Variants in KCNU1 observed in about 807,000 individuals in gnomAD.
The protein encoded by KCNU1 is potassium channel subfamily U member 1.
KCNU1 carries 93 observed loss-of-function variants against 126.8 expected under a neutral mutation model. The observed-to-expected ratio is 0.73, with a 90% CI of 0.62 to 0.87. The LOEUF (loss-of-function observed/expected upper bound fraction) is 0.87, where lower values mean the gene tolerates loss of function less well. Ranked by LOEUF, KCNU1 falls within the 40% of genes least tolerant of loss-of-function variation. The probability of loss-of-function intolerance (pLI) is 0.00; values close to 1 mark genes in which losing one functional copy is unlikely to be tolerated. For synonymous variants in KCNU1, 523 were observed against 494.2 expected, an observed-to-expected ratio of 1.06 and a Z score of -0.77; for missense variants, 1,330 against 1,367.1, an observed-to-expected ratio of 0.97 and a Z score of 0.43.
chr8:36,910,979 GCTC>G lies in KCNU1; in HGVS notation c.2383_2385del (p.Ser795del). The stretch of plus-strand genomic sequence containing the variant: ...CTCCATGCGGCCAACATAGAGCAAT[GCTC>G]CATGTGTGCTGTCTTGTCCCCCCCA... On this transcript the variant is annotated inframe_deletion, in exon 22 of 27. Coordinates refer to ENST00000399881, the MANE Select transcript of KCNU1 (RefSeq NM_001031836.3). 6.2e-7 allele frequency: 1 copy of G among 1,613,552 alleles called. No homozygotes were observed.
At chr8:36,931,504 CT>C (rs558003707) in intron 25 of KCNU1, among the ~76,000 whole-genome samples, 5 of 152,038 alleles carry the variant, frequency 3.3e-5, no homozygotes, top group Non-Finnish European at 7.4e-5. Flanking sequence ...TGAGTATTTT[CT>C]CTGTGCTTGT....
At position 36,922,632 on chromosome 8, in the gene KCNU1, A is replaced by G; in HGVS notation, c.2736+3A>G. The G allele has an allele frequency of 6.2e-7, 1 of 1,611,918 alleles. No homozygotes were observed. The highest frequency in any genetic ancestry group is 8.5e-7 in the Non-Finnish European group (1 of 1,178,956). ...TCTTGGATTCTCTGCTGGCCACGGTAAGAAAAGCTAAGCCATGGAGCCCCC... is the reference window on the plus strand; with the variant it reads ...TCTTGGATTCTCTGCTGGCCACGGTGAGAAAAGCTAAGCCATGGAGCCCCC... On this transcript the variant is annotated splice_donor_region_variant and intron_variant, in intron 24 of 26. Transcript: ENST00000399881.
intron 19 of KCNU1, among the ~76,000 whole-genome samples, chr8:36,877,340 T>C (rs1806312045): frequency 6.6e-6 from 1 of 151,766 alleles, no homozygotes; most frequent in Non-Finnish European, 1.5e-5. Flanking sequence ...TTCACTCTTG[T>C]CGCCCAGGCT....
chr8:36,857,652 G>C (rs761931820), intron 18 of KCNU1, among the ~76,000 whole-genome samples: 22 of 151,146 alleles, frequency 1.5e-4, no homozygotes, highest in Non-Finnish European at 2.8e-4. Flanking sequence ...TTTTGTTTTT[G>C]TTGTTGTTGT....
intron 16 of KCNU1, among the ~76,000 whole-genome samples, chr8:36,844,835 C>G (rs1309295133): frequency 6.6e-6 from 1 of 152,110 alleles, no homozygotes; most frequent in Non-Finnish European, 1.5e-5. Flanking sequence ...TGAGACCTCA[C>G]CATAGACATC....
chr8:36,899,294 A>G (rs144200104), intron 19 of KCNU1, among the ~76,000 whole-genome samples: 106 of 152,168 alleles, frequency 7.0e-4, no homozygotes, highest in African/African-American at 2.5e-3. Flanking sequence ...GATAGAAAAA[A>G]AAAATGCCTT....
At chr8:36,806,517 T>G in intron 5 of KCNU1, 137 bp downstream of exon 5, 1 of 588,480 alleles carries the variant, frequency 1.7e-6, no homozygotes, top group South Asian at 2.2e-5. Flanking sequence ...ATAGTATGGT[T>G]TTGTCATACA....
chr8:36,923,119 GTTA>G, intron 24 of KCNU1: 1 of 454,180 alleles, frequency 2.2e-6, no homozygotes, highest in Non-Finnish European at 4.4e-6. Flanking sequence ...TGACTACATG[GTTA>G]TTCTTTAGTT....
intron 19 of KCNU1, among the ~76,000 whole-genome samples, chr8:36,869,818 C>T (rs1194105711): frequency 2.6e-5 from 4 of 152,112 alleles, no homozygotes; most frequent in Non-Finnish European, 4.4e-5. Context: ...TTTCCTGTCA[C>T]CCTCTGCCGT....
At chr8:36,813,755 T>G (rs1434898891) in intron 7 of KCNU1, among the ~76,000 whole-genome samples, 1 of 152,124 alleles carries the variant, frequency 6.6e-6, no homozygotes, top group Non-Finnish European at 1.5e-5. Context: ...ACACTAGCAT[T>G]CTATGTGCTT....
At chr8:36,864,006 A>T (rs1805814147) in intron 18 of KCNU1, among the ~76,000 whole-genome samples, 1 of 152,180 alleles carries the variant, frequency 6.6e-6, no homozygotes, top group Non-Finnish European at 1.5e-5. Context: ...GGTGATGTCC[A>T]GGCAGAATGA....
chr8:36,930,793 T>A (rs1808678084), intron 24 of KCNU1, among the ~76,000 whole-genome samples, 158 bp from the exon 25 acceptor site: 1 of 152,114 alleles, frequency 6.6e-6, no homozygotes, highest in Admixed American at 6.6e-5. Flanking sequence ...CAAACTGCCA[T>A]CCTTCAGCTG....
intron 18 of KCNU1, among the ~76,000 whole-genome samples, chr8:36,852,891 C>A (rs930180212): frequency 2.0e-5 from 3 of 151,610 alleles, no homozygotes; most frequent in South Asian, 2.1e-4. Context: ...GGATTTTTTT[C>A]TAATTTTTTC....
Position 36,909,472 on chromosome 8 carries a change from T to C in KCNU1, c.2268T>C (p.Ser756=). 6.2e-7 allele frequency: 1 copy of C among 1,613,604 alleles called. No homozygotes were observed. Among genetic ancestry groups the C allele is most frequent in the Admixed American group, 1.7e-5 (1 of 60,010 alleles). ...KELKDIVFIG[S]LDYLQREWRF... ...TGAAGGACATAGTGTTCATTGGGTC[T>C]CTGGACTATCTACAGAGAGAATGGC... Residue 756 remains serine, a synonymous_variant, in exon 21 of 27, where the codon TCT becomes TCC. Transcript: ENST00000399881.
intron 22 of KCNU1, among the ~76,000 whole-genome samples, chr8:36,918,273 G>A (rs1439345368): frequency 6.6e-6 from 1 of 152,088 alleles, no homozygotes; most frequent in East Asian, 1.9e-4. Flanking sequence ...CAGGCACGAT[G>A]GCTCATAGCT....
chr8:36,899,676 AT>A (rs1364936254), intron 19 of KCNU1, among the ~76,000 whole-genome samples: 1 of 152,092 alleles, frequency 6.6e-6, no homozygotes, highest in East Asian at 1.9e-4. Context: ...ATCTTAAAAC[AT>A]TTCAGGGCTA....
At chr8:36,844,499 A>G (rs1460589265) in intron 16 of KCNU1, among the ~76,000 whole-genome samples, 2 of 152,220 alleles carry the variant, frequency 1.3e-5, no homozygotes, top group Non-Finnish European at 2.9e-5. Flanking sequence ...CAAAGTTAAA[A>G]CCAATTATTT....
rs532032773 is a variant in KCNU1, at chr8:36,871,750, GA to G, written c.2009+7231del. Among the ~76,000 whole-genome samples, 5 of 152,266 alleles carry G rather than the reference GA, an allele frequency of 3.3e-5. No homozygotes were observed. In the South Asian group the frequency reaches 8.3e-4, roughly 25 times the overall value. On this transcript the variant is annotated intron_variant, in intron 19 of 26. Coordinates refer to ENST00000399881, the MANE Select transcript of KCNU1 (RefSeq NM_001031836.3). ...TGATTTGGCTGGGTGCTAAGATGAG[GA>G]AGTGGCCCTCAGATCATTGCGATAA... is the stretch of plus-strand genomic sequence containing the variant.
intron 24 of KCNU1, among the ~76,000 whole-genome samples, chr8:36,928,209 T>A (rs937959240): frequency 2.0e-5 from 3 of 152,086 alleles, no homozygotes; most frequent in Non-Finnish European, 4.4e-5. Flanking sequence ...ACTGAAGAAA[T>A]GATATATTCA....
Sources: gnomAD v4.1 joint callset for allele counts (sites outside exome capture counted in the v4.1 genomes callset) on GRCh38, gnomAD v4.1.1 for gene constraint, MANE v1.5 for transcripts, NCBI Gene and HGNC (gene_info 2026-07-23, HGNC 2026-07-21) for gene names.